Variants in FAM118B observed in about 807,000 individuals in gnomAD.
The protein encoded by FAM118B is SIR2 antiphage like 1, also known as protein FAM118B.
In FAM118B, 24 loss-of-function variants were observed where a neutral mutation model predicts 38.5. That is an observed-to-expected ratio of 0.62 (90% CI 0.45 to 0.88). The LOEUF is 0.88. FAM118B is among the 40% of genes least tolerant of loss of function. FAM118B has a pLI of 0.00. For missense variants in FAM118B, 334 were observed against 420.0 expected (o/e 0.80, Z 1.79); for synonymous variants, 138 against 156.3 (o/e 0.88, Z 0.87).
intron 4 of FAM118B, among the ~76,000 whole-genome samples, chr11:126,246,019 G>A (rs189466727): frequency 4.2e-4 from 63 of 148,854 alleles, no homozygotes; most frequent in African/African-American, 1.5e-3. Context: ...AAGAAAGAAA[G>A]AAAGAAAAGA....
chr11:126,262,319 A>G lies in FAM118B; in HGVS notation c.*186A>G. ...TCCTTCATACCACCTGGTTCTTGATATTCTGCCGCCTGTTCAAGTTCAAGA... is the reference window on the plus strand; with the variant it reads ...TCCTTCATACCACCTGGTTCTTGATGTTCTGCCGCCTGTTCAAGTTCAAGA... On this transcript the variant is annotated 3_prime_UTR_variant, in exon 9 of 9. Transcript: ENST00000533050. 2.0e-6 allele frequency: 1 copy of G among 497,166 alleles called. No individual in the cohort carries two copies. Among genetic ancestry groups the G allele is most frequent in the Non-Finnish European group, 3.6e-6 (1 of 274,652 alleles). 30.8% of individuals were successfully genotyped at this position (497,166 alleles called of 1,614,324 possible).
At chr11:126,220,168 G>A (rs1002782593) in intron 1 of FAM118B, among the ~76,000 whole-genome samples, 13 of 152,288 alleles carry the variant, frequency 8.5e-5, no homozygotes, top group African/African-American at 3.1e-4. Context: ...ATTTCCTGCA[G>A]TGATCTGTTA....
rs1474299281 is a variant in FAM118B, at chr11:126,262,587, G to C, written c.*454G>C. The C allele has an allele frequency of 6.0e-6, 1 of 166,486 alleles. No individual in the cohort carries two copies. Among genetic ancestry groups the C allele is most frequent in the Non-Finnish European group, 1.3e-5 (1 of 77,610 alleles). 10.3% of individuals were successfully genotyped at this position (166,486 alleles called of 1,614,324 possible). A position where few individuals can be genotyped will look rare whatever the true frequency, so the allele number is the denominator to read the frequency against. On this transcript the variant is annotated 3_prime_UTR_variant, in exon 9 of 9. Coordinates refer to ENST00000533050, the MANE Select transcript of FAM118B (RefSeq NM_024556.4). ...CATGACTTGAAGCTCTAGTTTTCTA[G>C]ATCTTTTACAGTGTACAGTATTTTA...
chr11:126,242,263 C>G (rs1037155386), intron 4 of FAM118B, among the ~76,000 whole-genome samples: 4 of 151,888 alleles, frequency 2.6e-5, no homozygotes, highest in Admixed American at 6.6e-5. Flanking sequence ...TGGACTTCTC[C>G]AAAGTTAAAA....
intron 4 of FAM118B, chr11:126,245,319 G>T (rs977794411): frequency 6.6e-6 from 1 of 151,798 alleles, no homozygotes; most frequent in Non-Finnish European, 1.5e-5. Context: ...AAATTACAAG[G>T]GACCTAGGGT....
At position 126,244,206 on chromosome 11, in the gene FAM118B, C is replaced by T. The variant is rs1448042923; in HGVS notation, c.339+3162C>T. ...GCAAGACAAGGCTGTTTTCCCACTCCACTCCTGTCCAACATGGTGCTGGAT... is the reference window on the plus strand; with the variant it reads ...GCAAGACAAGGCTGTTTTCCCACTCTACTCCTGTCCAACATGGTGCTGGAT... On this transcript the variant is annotated intron_variant, in intron 4 of 8. Coordinates refer to ENST00000533050, the MANE Select transcript of FAM118B (RefSeq NM_024556.4). The surrounding 1 kb of genome is among the most constrained non-coding windows in gnomAD (Gnocchi z 4.5). 6.6e-6 allele frequency among the ~76,000 whole-genome samples: 1 copy of T among 152,140 alleles called. No individual in the cohort carries two copies. Among genetic ancestry groups the T allele is most frequent in the Non-Finnish European group, 1.5e-5 (1 of 68,030 alleles).
chr11:126,215,837 C>T (rs979380862), intron 1 of FAM118B, among the ~76,000 whole-genome samples: 3 of 151,606 alleles, frequency 2.0e-5, no homozygotes, highest in Non-Finnish European at 4.4e-5. Context: ...AGCAAGACCT[C>T]GTCTCTACAG....
intron 3 of FAM118B, among the ~76,000 whole-genome samples, chr11:126,239,924 C>T (rs1448613610): frequency 6.6e-6 from 1 of 152,188 alleles, no homozygotes; most frequent in African/African-American, 2.4e-5. Context: ...AAGTGCTATT[C>T]CTTTCTTGAG....
chr11:126,250,092 ATTT>A lies in FAM118B; in HGVS notation c.340-399_340-397del, dbSNP rs71048776. Among the ~76,000 whole-genome samples the A allele has an allele frequency of 3.8e-5, 5 of 131,806 alleles. No homozygotes were observed. The highest frequency in any genetic ancestry group is 2.5e-4 in the South Asian group (1 of 3,922). The allele number at this position is 131,806 out of a possible 152,430, so 86.5% of individuals were successfully genotyped here. On this transcript the variant is annotated intron_variant, in intron 4 of 8. Transcript: ENST00000533050. This position sits in a 1 kb window ranked among gnomAD's most constrained non-coding sequence, Gnocchi z 5.1. ...AGATAGATAATATTTTATCCCCGGG[ATTT>A]TTTTTTTTTTTTTTGAGATGGAGTC...
chr11:126,216,422 C>T (rs1949979861), intron 1 of FAM118B, among the ~76,000 whole-genome samples: 1 of 152,148 alleles, frequency 6.6e-6, no homozygotes, highest in African/African-American at 2.4e-5. Flanking sequence ...GCCCTCCCTA[C>T]CTCAAAGTCC....
chr11:126,219,230 TATC>T (rs1950025215), intron 1 of FAM118B, among the ~76,000 whole-genome samples: 1 of 152,126 alleles, frequency 6.6e-6, no homozygotes, highest in Non-Finnish European at 1.5e-5. Flanking sequence ...GGACAGAAGT[TATC>T]ATGTTTTATA....
chr11:126,212,845 G>C (rs1949905527), intron 1 of FAM118B, among the ~76,000 whole-genome samples: 1 of 152,218 alleles, frequency 6.6e-6, no homozygotes, highest in Non-Finnish European at 1.5e-5. Flanking sequence ...GTGATACGTA[G>C]TGAGGAGTCT....
chr11:126,237,717 C>T (rs7358492), intron 3 of FAM118B, among the ~76,000 whole-genome samples: 5 of 138,726 alleles, frequency 3.6e-5, no homozygotes, highest in South Asian at 2.3e-4. Context: ...ATTAGCGGGG[C>T]GTGGTGGCGC....
chr11:126,230,590 A>G (rs1385207972), intron 2 of FAM118B, among the ~76,000 whole-genome samples: 1 of 152,208 alleles, frequency 6.6e-6, no homozygotes, highest in Non-Finnish European at 1.5e-5. Flanking sequence ...TGGTAATTGT[A>G]GATCTTTTAT....
chr11:126,240,823 C>G lies in FAM118B; in HGVS notation c.118C>G (p.Pro40Ala), dbSNP rs1565333542. The stretch of plus-strand genomic sequence containing the variant: ...GCTTCCAAGCTTAAAAACTAAGAAG[C>G]CTCGAGAACTTGTGCTAGTGATTGG... ...KLLPSLKTKKPRELVLVIGTG... is the reference protein window; with the variant it reads ...KLLPSLKTKKARELVLVIGTG... The change falls in exon 4 of 9, where the codon CCT becomes GCT. Residue 40 changes from proline to alanine, a missense_variant. Pro to Ala is a conservative substitution (Grantham distance 27). Transcript: ENST00000533050. 1.9e-6 allele frequency: 3 copies of G among 1,608,720 alleles called. No individual in the cohort carries two copies. Among genetic ancestry groups the G allele is most frequent in the Admixed American group, 1.7e-5 (1 of 58,462 alleles).
rs539435820 is a variant in FAM118B, at chr11:126,226,914, GCTATGAT to G, written c.-76-2309_-76-2303del. On this transcript the variant is annotated intron_variant, in intron 1 of 8. Transcript: ENST00000533050. ...AGCCTGATGGTGGAGGCTGCAATGA[GCTATGAT>G]CATGCCTGGGCAACAGTGAGACCCC... is the stretch of plus-strand genomic sequence containing the variant. 3.1e-3 allele frequency among the ~76,000 whole-genome samples: 451 copies of G among 145,718 alleles called. 1 individual carries two copies. The highest frequency in any genetic ancestry group is 0.011 in the African/African-American group (430 of 39,186).
chr11:126,250,829 G>T lies in FAM118B; in HGVS notation c.567+96G>T. Reference sequence around the variant, plus strand: ...GTTGGTATATTGGTATTTATGTAGAGCTAGAAAGGAAAAATTTTTTCCCTG... The same window carrying T: ...GTTGGTATATTGGTATTTATGTAGATCTAGAAAGGAAAAATTTTTTCCCTG... On this transcript the variant is annotated intron_variant, in intron 5 of 8. Transcript: ENST00000533050. The surrounding 1 kb of genome is among the most constrained non-coding windows in gnomAD (Gnocchi z 5.1). 1 of 963,238 alleles carries T rather than the reference G, an allele frequency of 1.0e-6. No homozygotes were observed. Among genetic ancestry groups the T allele is most frequent in the Non-Finnish European group, 1.5e-6 (1 of 662,594 alleles). The allele number at this position is 963,238 out of a possible 1,614,324, so 59.7% of individuals were successfully genotyped here.
rs940926433 is a variant in FAM118B, at chr11:126,253,052, G to T, written c.568-1253G>T. ...TCTGTCTAAAAACAAACAAACAAATGATTGAAATTTTAAAACTAGCAGCTT... is the reference window on the plus strand; with the variant it reads ...TCTGTCTAAAAACAAACAAACAAATTATTGAAATTTTAAAACTAGCAGCTT... On this transcript the variant is annotated intron_variant, in intron 5 of 8. Transcript: ENST00000533050. The surrounding 1 kb of genome is among the most constrained non-coding windows in gnomAD (Gnocchi z 5.1). Among the ~76,000 whole-genome samples, 1 of 152,114 alleles carries T rather than the reference G, an allele frequency of 6.6e-6. No homozygotes were observed. The highest frequency in any genetic ancestry group is 1.5e-5 in the Non-Finnish European group (1 of 67,986).
rs781595440 is a variant in FAM118B at position 126,256,711 on chromosome 11, G to A, written c.841G>A (p.Gly281Arg). Reference sequence around the variant, plus strand: ...AGAACATTTCATGCTGGTTCGGAGAGGAGACGTAGATGAGTTCAAAAAGCT... The same window carrying A: ...AGAACATTTCATGCTGGTTCGGAGAAGAGACGTAGATGAGTTCAAAAAGCT... ...DLEHFMLVRR[G>R]DVDEFKKLRE... is the part of the protein sequence containing the mutation. Residue 281 changes from glycine (G) to arginine (R), a missense_variant, in exon 7 of 9, where the codon GGA (glycine) becomes AGA (arginine). Physicochemically the swap from Gly to Arg is moderately radical, Grantham distance 125 (BLOSUM62 -2). Coordinates refer to ENST00000533050, the MANE Select transcript of FAM118B (RefSeq NM_024556.4). This position sits in a 1 kb window ranked among gnomAD's most constrained non-coding sequence, Gnocchi z 6.6. The A allele has an allele frequency of 1.0e-4, 165 of 1,614,072 alleles. 1 individual carries two copies. The highest frequency in any genetic ancestry group is 1.3e-4 in the Non-Finnish European group (155 of 1,180,044).
Sources: gnomAD v4.1 joint callset for allele counts (sites outside exome capture counted in the v4.1 genomes callset) on GRCh38, gnomAD v4.1.1 for gene constraint, Gnocchi (gnomAD v3.1) non-coding constraint, MANE v1.5 for transcripts, NCBI Gene and HGNC (gene_info 2026-07-23, HGNC 2026-07-21) for gene names.